C2orf78: variants seen among roughly 807,000 people sequenced by gnomAD.
The protein encoded by C2orf78 is chromosome 2 open reading frame 78, also known as uncharacterized protein C2orf78.
Under a neutral mutation model 21.4 loss-of-function variants are expected in C2orf78, and 12 were observed. That is an observed-to-expected ratio of 0.56 (90% CI 0.36 to 0.91). The LOEUF (loss-of-function observed/expected upper bound fraction) is 0.91. Among genes scored for constraint, C2orf78 ranks in the 40% least tolerant of loss-of-function variants. The pLI, the probability that C2orf78 is intolerant of heterozygous loss-of-function variation, is 0.01. For synonymous variants in C2orf78, 396 were observed against 413.9 expected (o/e 0.96, Z 0.52); for missense variants, 1,042 against 1,092.4 (o/e 0.95, Z 0.65).
chr2:73,816,524 A>C (rs1012048510), exon 3 of C2orf78: 2 of 1,613,698 alleles, frequency 1.2e-6, no homozygotes, highest in Non-Finnish European at 1.7e-6. Flanking sequence ...CAGTCAATCC[A>C]TCCCGACCAG....
intron 2 of C2orf78, 23 bp downstream of exon 2, chr2:73,814,249 G>A: frequency 1.3e-6 from 2 of 1,535,582 alleles, no homozygotes; most frequent in Non-Finnish European, 8.8e-7. Flanking sequence ...ATCAAGAAAG[G>A]AGAGGAATAA....
rs778857905 is a variant in C2orf78, at chr2:73,816,565, C to T, written c.2342C>T (p.Ala781Val). 31 of 1,613,698 alleles carry T rather than the reference C, an allele frequency of 1.9e-5. No homozygotes were observed. In the South Asian group the frequency reaches 3.2e-4, roughly 17 times the overall value. Residue 781 changes from alanine to valine, a missense_variant, in exon 3 of 3, where the codon GCC becomes GTC. Ala to Val is a moderately conservative substitution (Grantham distance 64). Around this residue, in one of 2 missense-constraint regions of C2orf78, gnomAD observed 1,039 missense variants for 1,069.7 expected, o/e 0.97. Coordinates refer to ENST00000409561, the Ensembl canonical transcript of C2orf78. ...ACCAACACATCTTTGACAGGTCCTG[C>T]CACACCAGCTCAGCCAATTTCAGCC...
At chr2:73,816,024 A>G in exon 3 of C2orf78, 1 of 1,613,934 alleles carries the variant, frequency 6.2e-7, no homozygotes, top group East Asian at 2.2e-5. Flanking sequence ...AGAGAAGCAA[A>G]CCATTCCCAA....
rs1672985897 is a variant in C2orf78 at position 73,807,822 on chromosome 2, C to T, written c.98-5655C>T. On this transcript the variant is annotated intron_variant, in intron 1 of 2. Transcript: ENST00000409561. ...GAGATCCAAGTCCAACCTGGCCCAGCCCAAAGAAGGTGGAATTCAAGGAGA... is the reference window on the plus strand; with the variant it reads ...GAGATCCAAGTCCAACCTGGCCCAGTCCAAAGAAGGTGGAATTCAAGGAGA... Among the ~76,000 whole-genome samples, 3 of 146,624 alleles carry T rather than the reference C, an allele frequency of 2.0e-5. No individual in the cohort carries two copies. In the South Asian group the frequency reaches 6.6e-4, roughly 32 times the overall value.
chr2:73,810,755 GTATATATAA>G (rs1320945288), intron 1 of C2orf78, among the ~76,000 whole-genome samples: 3 of 122,316 alleles, frequency 2.5e-5, no homozygotes, highest in Non-Finnish European at 3.3e-5. Context: ...TATATTTTAT[GTATATATAA>G]TATATATATA....
chr2:73,814,055 C>T (rs377368199), exon 2 of C2orf78: 1 of 1,613,764 alleles, frequency 6.2e-7, no homozygotes, highest in African/African-American at 1.3e-5. Context: ...ACTATCCTGC[C>T]TGCAATCTTA....
At position 73,811,407 on chromosome 2, in the gene C2orf78, A is replaced by T. The variant is rs556352898; in HGVS notation, c.98-2070A>T. Among the ~76,000 whole-genome samples, 6 of 152,310 alleles carry T rather than the reference A, an allele frequency of 3.9e-5. No individual in the cohort carries two copies. The South Asian group carries it at 1.2e-3, about 32-fold the overall frequency. The stretch of plus-strand genomic sequence containing the variant: ...TGTTTCTAATTTTTAAATTATATGG[A>T]TGTTTCTCCTATTAACAATAAAATT... On this transcript the variant is annotated intron_variant, in intron 1 of 2. Transcript: ENST00000409561.
intron 1 of C2orf78, chr2:73,808,908 A>G: frequency 2.1e-6 from 2 of 953,184 alleles, no homozygotes; most frequent in East Asian, 2.7e-5. Flanking sequence ...TCAGGTAAAG[A>G]GAGAAACTTT....
At chr2:73,815,212 A>C in exon 3 of C2orf78, 1 of 1,613,966 alleles carries the variant, frequency 6.2e-7, no homozygotes, top group South Asian at 1.1e-5. Context: ...CCATCACCTG[A>C]GCTTGGGGAC....
At chr2:73,785,714 A>G (rs992242572) in intron 1 of C2orf78, among the ~76,000 whole-genome samples, 2 of 152,022 alleles carry the variant, frequency 1.3e-5, no homozygotes, top group Admixed American at 6.6e-5. Flanking sequence ...TTTTGAACAT[A>G]GATGACACTT....
At chr2:73,810,143 G>T (rs1247989507) in intron 1 of C2orf78, among the ~76,000 whole-genome samples, 1 of 152,240 alleles carries the variant, frequency 6.6e-6, no homozygotes, top group South Asian at 2.1e-4. Context: ...CCTAGAAAAA[G>T]CACCTTATCA....
At chr2:73,784,206 A>G (rs1432627381) in exon 1 of C2orf78, 7 of 1,511,368 alleles carry the variant, frequency 4.6e-6, no homozygotes, top group Middle Eastern at 2.3e-4. Flanking sequence ...ACCGACCACC[A>G]CCTGGTAGCA....
chr2:73,784,608 T>A (rs1672888170), intron 1 of C2orf78, among the ~76,000 whole-genome samples: 1 of 151,430 alleles, frequency 6.6e-6, no homozygotes, highest in Admixed American at 6.6e-5. Flanking sequence ...ACAAAATCTG[T>A]TTCCTCATCT....
exon 3 of C2orf78, chr2:73,815,265 C>T (rs779700400): frequency 3.1e-6 from 5 of 1,613,954 alleles, no homozygotes; most frequent in Non-Finnish European, 4.2e-6. Context: ...TCTCTTGACA[C>T]TGTCTCCAGC....
chr2:73,784,276 G>A (rs1373989182), exon 1 of C2orf78: 2 of 1,413,116 alleles, frequency 1.4e-6, no homozygotes, highest in Non-Finnish European at 1.9e-6. Flanking sequence ...CCAGTGACCA[G>A]TAACCAGTGA....
chr2:73,810,978 A>G (rs2103982896), intron 1 of C2orf78, among the ~76,000 whole-genome samples: 1 of 145,298 alleles, frequency 6.9e-6, no homozygotes, highest in East Asian at 2.0e-4. Flanking sequence ...TCATATATAT[A>G]TATATATATG....
At chr2:73,814,256 A>G in intron 2 of C2orf78, 30 bp downstream of exon 2, 1 of 1,527,334 alleles carries the variant, frequency 6.5e-7, no homozygotes, top group African/African-American at 1.4e-5. Context: ...AAGGAGAGGA[A>G]TAATGTCAGC....
intron 1 of C2orf78, among the ~76,000 whole-genome samples, chr2:73,808,445 G>T (rs1233701519): frequency 1.3e-5 from 2 of 150,940 alleles, no homozygotes; most frequent in Non-Finnish European, 2.9e-5. Context: ...AAATATAAAT[G>T]TTAATTATAT....
Position 73,813,799 on chromosome 2 carries a change from C to T in C2orf78, c.420C>T (p.Ser140=), listed in dbSNP as rs1395983912. ...CAGCAAGCACAGTAAAGAAGTCATC[C>T]TCACTCAGGGACTTCACTGTGACTG... The change falls in exon 2 of 3, where the codon TCC becomes TCT. Residue 140 remains serine (S), a synonymous_variant. Transcript: ENST00000409561. 4 of 1,614,028 alleles carry T rather than the reference C, an allele frequency of 2.5e-6. No individual in the cohort carries two copies. In the Admixed American group the frequency reaches 5.0e-5, roughly 20 times the overall value.
Sources: gnomAD v4.1 joint callset for allele counts (sites outside exome capture counted in the v4.1 genomes callset) on GRCh38, gnomAD v4.1.1 for gene constraint, gnomAD v4.1.1 regional missense constraint, MANE v1.5 for transcripts, NCBI Gene and HGNC (gene_info 2026-07-23, HGNC 2026-07-21) for gene names.